BBS9: variants seen among roughly 807,000 people sequenced by gnomAD.
The protein encoded by BBS9 is Bardet-Biedl syndrome 9.
In BBS9, 89 loss-of-function variants were observed where a neutral mutation model predicts 117.7. That is an observed-to-expected ratio of 0.76 (90% CI 0.64 to 0.90). The LOEUF is 0.90. BBS9 is among the 40% of genes least tolerant of loss of function. The pLI is 0.00. For synonymous variants in BBS9, 379 were observed against 370.9 expected, an observed-to-expected ratio of 1.02 and a Z score of -0.25; for missense variants, 982 against 1,042.2, an observed-to-expected ratio of 0.94 and a Z score of 0.80.
At chr7:33,469,548 T>A (rs555386287) in intron 19 of BBS9, among the ~76,000 whole-genome samples, 1 of 152,298 alleles carries the variant, frequency 6.6e-6, no homozygotes, top group Non-Finnish European at 1.5e-5. Flanking sequence ...TAGGGGAAGA[T>A]ATTTTTTAAC....
intron 1 of BBS9, among the ~76,000 whole-genome samples, chr7:33,131,544 T>C (rs1789612235): frequency 6.6e-6 from 1 of 152,196 alleles, no homozygotes; most frequent in African/African-American, 2.4e-5. Flanking sequence ...GATTTCTACT[T>C]TCTTAAATTT....
intron 10 of BBS9, among the ~76,000 whole-genome samples, chr7:33,339,033 G>A (rs2128631800): frequency 6.6e-6 from 1 of 152,284 alleles, no homozygotes; most frequent in South Asian, 2.1e-4. Flanking sequence ...TTTGTATTTT[G>A]TGACATTGTT....
At chr7:33,431,042 A>C (rs1834369278) in intron 19 of BBS9, among the ~76,000 whole-genome samples, 1 of 151,822 alleles carries the variant, frequency 6.6e-6, no homozygotes, top group African/African-American at 2.4e-5. Context: ...AAAAAAAAAA[A>C]AACTTAGACA....
rs369167208 is a variant in BBS9, at chr7:33,605,252, G to C, written c.*26G>C. 4.4e-6 allele frequency: 7 copies of C among 1,607,418 alleles called. No individual in the cohort carries two copies. The African/African-American group carries it at 8.0e-5, about 18-fold the overall frequency. On this transcript the variant is annotated 3_prime_UTR_variant, in exon 23 of 23. Coordinates refer to ENST00000242067, the MANE Select transcript of BBS9 (RefSeq NM_198428.3). ...TTCAAGTAGAGTTGTTTGGTTGAGA[G>C]GAACATCCCCATCTCAAGGCCGAAC...
chr7:33,570,725 C>A (rs1257185375), intron 21 of BBS9, among the ~76,000 whole-genome samples: 1 of 152,202 alleles, frequency 6.6e-6, no homozygotes, highest in Non-Finnish European at 1.5e-5. Flanking sequence ...ATATCAACAT[C>A]ATGTATCACA....
chr7:33,537,816 C>T (rs969244444), intron 21 of BBS9, among the ~76,000 whole-genome samples: 1 of 152,156 alleles, frequency 6.6e-6, no homozygotes, highest in Non-Finnish European at 1.5e-5. Context: ...AGATTTGAAC[C>T]TCTCAAGCAT....
chr7:33,153,479 T>C (rs1793657965), intron 3 of BBS9, among the ~76,000 whole-genome samples: 1 of 152,246 alleles, frequency 6.6e-6, no homozygotes, highest in African/African-American at 2.4e-5. Flanking sequence ...TAAGCTTGTA[T>C]TTCTTCATCA....
At chr7:33,511,682 A>AT (rs2129026599) in intron 20 of BBS9, among the ~76,000 whole-genome samples, 1 of 152,314 alleles carries the variant, frequency 6.6e-6, no homozygotes, top group African/African-American at 2.4e-5. Flanking sequence ...CTTCAGCCTT[A>AT]TTTTTTGATT....
intron 21 of BBS9, among the ~76,000 whole-genome samples, chr7:33,558,249 A>G (rs1048059023): frequency 6.6e-6 from 1 of 152,220 alleles, no homozygotes; most frequent in African/African-American, 2.4e-5. Context: ...AACAAAAAAG[A>G]TCATTACTAA....
At chr7:33,554,035 G>T (rs981773166) in intron 21 of BBS9, among the ~76,000 whole-genome samples, 4 of 152,062 alleles carry the variant, frequency 2.6e-5, no homozygotes, top group Non-Finnish European at 4.4e-5. Flanking sequence ...GGAAGCAGGG[G>T]AATAGCATTC....
At chr7:33,165,346 T>C (rs546079253) in intron 4 of BBS9, among the ~76,000 whole-genome samples, 5 of 152,322 alleles carry the variant, frequency 3.3e-5, no homozygotes, top group African/African-American at 1.2e-4. Flanking sequence ...TGTGGCATTA[T>C]CTGTATTTCC....
chr7:33,468,312 G>C (rs1419914), intron 19 of BBS9, among the ~76,000 whole-genome samples: 1 of 151,926 alleles, frequency 6.6e-6, no homozygotes, highest in Non-Finnish European at 1.5e-5. Context: ...TTTATATTCT[G>C]CAATGAAGGC....
chr7:33,277,164 G>A (rs1251777041), intron 9 of BBS9: 1 of 160,818 alleles, frequency 6.2e-6, no homozygotes, highest in Non-Finnish European at 1.4e-5. Flanking sequence ...GGAAGAGTAT[G>A]TTTACCCTGC....
At chr7:33,402,622 C>A (rs1169905173) in intron 19 of BBS9, among the ~76,000 whole-genome samples, 1 of 152,166 alleles carries the variant, frequency 6.6e-6, no homozygotes, top group Non-Finnish European at 1.5e-5. Context: ...TCTTTAGCAT[C>A]TTTTACCTAA....
chr7:33,233,301 T>G (rs1028430126), intron 5 of BBS9, among the ~76,000 whole-genome samples: 11 of 152,162 alleles, frequency 7.2e-5, no homozygotes, highest in Admixed American at 7.2e-4. Flanking sequence ...ACCATTGCAA[T>G]TTTGAATGAT....
chr7:33,404,620 T>G (rs1829585566), intron 19 of BBS9, among the ~76,000 whole-genome samples: 1 of 150,098 alleles, frequency 6.7e-6, no homozygotes, highest in Non-Finnish European at 1.5e-5. Flanking sequence ...TGAATGTGAG[T>G]TCACTCATGA....
intron 20 of BBS9, among the ~76,000 whole-genome samples, chr7:33,524,547 G>A (rs1165862041): frequency 3.3e-5 from 5 of 152,194 alleles, no homozygotes; most frequent in Non-Finnish European, 1.5e-5. Context: ...AGAGGTGTTT[G>A]CAGTATTCTC....
intron 5 of BBS9, among the ~76,000 whole-genome samples, chr7:33,213,111 C>T (rs1485602587): frequency 6.6e-6 from 1 of 152,164 alleles, no homozygotes; most frequent in Admixed American, 6.5e-5. Context: ...TGGCAAGAGC[C>T]CCCAGGTCCC....
chr7:33,321,009 G>C (rs1194230828), intron 9 of BBS9, among the ~76,000 whole-genome samples: 1 of 151,942 alleles, frequency 6.6e-6, no homozygotes, highest in East Asian at 1.9e-4. Flanking sequence ...ATATGTTCTT[G>C]ACAGCCTTAT....
Sources: gnomAD v4.1 joint callset for allele counts (sites outside exome capture counted in the v4.1 genomes callset) on GRCh38, gnomAD v4.1.1 for gene constraint, MANE v1.5 for transcripts, NCBI Gene and HGNC (gene_info 2026-07-23, HGNC 2026-07-21) for gene names.